The following KIF26B variants were observed in gnomAD, a reference collection of about 807,000 sequenced individuals.
The protein encoded by KIF26B is kinesin family member 26B.
KIF26B carries 63 observed loss-of-function variants against 151.2 expected under a neutral mutation model. That is an observed-to-expected ratio of 0.42 (90% CI 0.34 to 0.51). KIF26B has a LOEUF of 0.51. Among genes scored for constraint, KIF26B ranks in the 20% least tolerant of loss-of-function variants. The pLI is 0.07. For missense variants in KIF26B, 2,813 were observed against 2,913.6 expected (o/e 0.97, Z 0.79); for synonymous variants, 1,357 against 1,262.1 (o/e 1.08, Z -1.59).
chr1:245,161,550 C>A (rs576620663), intron 2 of KIF26B, among the ~76,000 whole-genome samples: 5 of 152,044 alleles, frequency 3.3e-5, no homozygotes, highest in Non-Finnish European at 5.9e-5. Context: ...CATGAGTGGG[C>A]CAACAATAGC....
rs1405656331 is a variant in KIF26B at position 245,367,498 on chromosome 1, C to A, written c.999+131C>A. The A allele has an allele frequency of 5.6e-6, 5 of 898,092 alleles. No homozygotes were observed. In the Admixed American group the frequency reaches 1.1e-4, roughly 20 times the overall value. 55.6% of individuals were successfully genotyped at this position (898,092 alleles called of 1,614,324 possible). A position where few individuals can be genotyped will look rare whatever the true frequency, so the allele number is the denominator to read the frequency against. On this transcript the variant is annotated intron_variant, in intron 3 of 14. Transcript: ENST00000407071. This position sits in a 1 kb window ranked among gnomAD's most constrained non-coding sequence, Gnocchi z 4.2. ...GAGCCCAGTGTTTCCATGTGGCCCC[C>A]ACAGAGTTCTCATCAAGGTGCCCCA...
At chr1:245,378,997 A>G (rs2103016533) in intron 3 of KIF26B, among the ~76,000 whole-genome samples, 1 of 152,278 alleles carries the variant, frequency 6.6e-6, no homozygotes. Flanking sequence ...CTTGAGCGCC[A>G]TTTTCTTTTA....
chr1:245,650,102 G>A (rs1024832822), intron 10 of KIF26B, among the ~76,000 whole-genome samples: 1 of 152,178 alleles, frequency 6.6e-6, no homozygotes, highest in East Asian at 1.9e-4. Flanking sequence ...AAAGCATGCA[G>A]GGAAGGCAGG....
At chr1:245,330,493 T>G (rs1398239516) in intron 2 of KIF26B, among the ~76,000 whole-genome samples, 1 of 2,514 alleles carries the variant, frequency 4.0e-4, no homozygotes, top group African/African-American at 2.7e-3. Context: ...GAAGAGGGAG[T>G]GGGGGGAGAG....
At chr1:245,303,680 G>T (rs928513946) in intron 2 of KIF26B, among the ~76,000 whole-genome samples, 1 of 152,230 alleles carries the variant, frequency 6.6e-6, no homozygotes, top group African/African-American at 2.4e-5. Flanking sequence ...AACTAAAGGT[G>T]CTGTGAAGGA....
rs755672216 is a variant in KIF26B at position 245,698,958 on chromosome 1, G to A, written c.6099G>A (p.Ala2033=). 1.1e-5 allele frequency: 18 copies of A among 1,613,942 alleles called. No individual in the cohort carries two copies. Among genetic ancestry groups the A allele is most frequent in the East Asian group, 2.2e-5 (1 of 44,894 alleles). ...AGCAGAGGATCGCCGAGGTCCGCGC[G>A]AAGTACGAGTGGCTGATGAAGGAGC... is the stretch of plus-strand genomic sequence containing the variant. ...HRQQRIAEVR[A]KYEWLMKELE... The change falls in exon 14 of 15, where the codon GCG becomes GCA. Residue 2033 remains alanine (A), a synonymous_variant. Transcript: ENST00000407071. This position sits in a 1 kb window ranked among gnomAD's most constrained non-coding sequence, Gnocchi z 4.0.
intron 2 of KIF26B, among the ~76,000 whole-genome samples, chr1:245,303,103 C>T (rs1043357581): frequency 4.7e-5 from 7 of 150,016 alleles, no homozygotes; most frequent in African/African-American, 1.7e-4. Context: ...CTACTTGTAA[C>T]ACATCCACTG....
chr1:245,170,016 G>A lies in KIF26B; in HGVS notation c.465+13333G>A, dbSNP rs1338924613. ...TCACTTTGTTTTTTGTTTGGTGCCT[G>A]TGTACCAAGTAGATTTCTGGTGTTT... On this transcript the variant is annotated intron_variant, in intron 2 of 14. Transcript: ENST00000407071. The surrounding 1 kb of genome is among the most constrained non-coding windows in gnomAD (Gnocchi z 4.4). 6.6e-6 allele frequency among the ~76,000 whole-genome samples: 1 copy of A among 152,064 alleles called. No individual in the cohort carries two copies. The highest frequency in any genetic ancestry group is 2.4e-5 in the African/African-American group (1 of 41,390).
At chr1:245,674,390 C>T (rs2044332005) in intron 10 of KIF26B, among the ~76,000 whole-genome samples, 1 of 151,300 alleles carries the variant, frequency 6.6e-6, no homozygotes. Flanking sequence ...CATCATTATT[C>T]CTAATCTGAT....
intron 4 of KIF26B, among the ~76,000 whole-genome samples, chr1:245,445,708 A>G (rs1659235112): frequency 6.6e-6 from 1 of 152,212 alleles, no homozygotes. Context: ...CTGGTCACCG[A>G]GTATCCGCCT....
chr1:245,359,877 T>TC (rs59893874), intron 2 of KIF26B, among the ~76,000 whole-genome samples: 36 of 149,518 alleles, frequency 2.4e-4, no homozygotes, highest in Non-Finnish European at 3.9e-4. Context: ...TTTCTTTCTT[T>TC]TTTTTTTTTT....
intron 5 of KIF26B, among the ~76,000 whole-genome samples, chr1:245,555,082 G>C (rs1423582115): frequency 6.6e-6 from 1 of 152,130 alleles, no homozygotes; most frequent in Non-Finnish European, 1.5e-5. Flanking sequence ...GCCGCAGAGG[G>C]AGAAATGTCA....
intron 4 of KIF26B, among the ~76,000 whole-genome samples, chr1:245,425,080 T>TC (rs1658591427): frequency 6.6e-6 from 1 of 152,136 alleles, no homozygotes; most frequent in Non-Finnish European, 1.5e-5. Flanking sequence ...TTTTTTTTTT[T>TC]TGCATGATTT....
intron 4 of KIF26B, among the ~76,000 whole-genome samples, chr1:245,522,261 A>G (rs891472626): frequency 6.6e-6 from 1 of 152,228 alleles, no homozygotes; most frequent in African/African-American, 2.4e-5. Context: ...CTTTGTGACC[A>G]GCACAACTTA....
chr1:245,598,587 G>A lies in KIF26B; in HGVS notation c.1351-3990G>A, dbSNP rs549733745. Among the ~76,000 whole-genome samples the A allele has an allele frequency of 7.6e-4, 116 of 152,206 alleles. No homozygotes were observed. In the Middle Eastern group the frequency reaches 0.014, roughly 18 times the overall value. Reference sequence around the variant, plus strand: ...GAGATGACGGGGCTGCTCCTCCTCAGCCTCCAGTCAGGCTGTGTGGCAGCG... The same window carrying A: ...GAGATGACGGGGCTGCTCCTCCTCAACCTCCAGTCAGGCTGTGTGGCAGCG... On this transcript the variant is annotated intron_variant, in intron 5 of 14. Coordinates refer to ENST00000407071, the MANE Select transcript of KIF26B (RefSeq NM_018012.4).
In KIF26B at chr1:245,688,438, CG is replaced by C; in HGVS notation, c.5459del (p.Gly1820AlafsTer56). 1.4e-6 allele frequency: 2 copies of C among 1,386,106 alleles called. No homozygotes were observed. Among genetic ancestry groups the C allele is most frequent in the South Asian group, 1.7e-5 (1 of 58,276 alleles). The allele number at this position is 1,386,106 out of a possible 1,614,324, so 85.9% of individuals were successfully genotyped here. ...SELLQGGAGA[R>X]GLQLRAGPEA... ...GCTGCTGCAGGGTGGCGCGGGCGCC[CG>C]GGGCTTGCAGCTGCGGGCCGGGCCC... On this transcript the variant is annotated frameshift_variant, in exon 12 of 15. Transcript: ENST00000407071. LOFTEE classifies it high-confidence loss of function.
intron 1 of KIF26B, among the ~76,000 whole-genome samples, 171 bp downstream of exon 1, chr1:245,155,658 C>T (rs904890246): frequency 4.6e-5 from 7 of 152,174 alleles, no homozygotes; most frequent in Non-Finnish European, 8.8e-5. Context: ...CGGGGACGCC[C>T]GCACGCTCGC....
intron 6 of KIF26B, among the ~76,000 whole-genome samples, chr1:245,605,628 G>C (rs1331870072): frequency 6.6e-6 from 1 of 152,156 alleles, no homozygotes; most frequent in African/African-American, 2.4e-5. Context: ...CTTGTGGGCA[G>C]GCAGAGCCTT....
At chr1:245,631,044 T>C (rs1028647358) in intron 9 of KIF26B, among the ~76,000 whole-genome samples, 3 of 152,188 alleles carry the variant, frequency 2.0e-5, no homozygotes, top group Admixed American at 2.0e-4. Flanking sequence ...CTTTAGGTTG[T>C]TCTAATTATT....
Sources: gnomAD v4.1 joint callset for allele counts (sites outside exome capture counted in the v4.1 genomes callset) on GRCh38, gnomAD v4.1.1 for gene constraint, Gnocchi (gnomAD v3.1) non-coding constraint, MANE v1.5 for transcripts, NCBI Gene and HGNC (gene_info 2026-07-23, HGNC 2026-07-21) for gene names.